The following SPG11 variants were observed in gnomAD, a reference collection of about 807,000 sequenced individuals.
The protein encoded by SPG11 is SPG11 vesicle trafficking associated, spatacsin, also known as spatacsin.
SPG11 carries 222 observed loss-of-function variants against 274.0 expected under a neutral mutation model. The observed-to-expected ratio is 0.81, with a 90% CI of 0.73 to 0.91. The LOEUF is 0.91. Among genes scored for constraint, SPG11 ranks in the 40% least tolerant of loss-of-function variants. The pLI, the probability that SPG11 is intolerant of heterozygous loss-of-function variation, is 0.00. For missense variants in SPG11, 3,114 were observed against 2,872.7 expected, an observed-to-expected ratio of 1.08 and a Z score of -1.92; for synonymous variants, 1,144 against 1,039.7, an observed-to-expected ratio of 1.10 and a Z score of -1.93.
Position 44,564,633 on chromosome 15 carries a change from C to T in SPG11, c.7065G>A (p.Val2355=). The T allele has an allele frequency of 6.2e-7, 1 of 1,613,930 alleles. No individual in the cohort carries two copies. Among genetic ancestry groups the T allele is most frequent in the Non-Finnish European group, 8.5e-7 (1 of 1,179,814 alleles). The change falls in exon 39 of 40, where the codon GTG becomes GTA. Residue 2355 remains valine, a synonymous_variant. Transcript: ENST00000261866. ...PDWAEILYQQ[V]ILKGDFNYLE... ...AGTAATTAAAGTCTCCTTTAAGAAT[C>T]ACTTGCTGGTATAAAATTTCAGCCC... is the stretch of plus-strand genomic sequence containing the variant.
At chr15:44,620,090 A>G in intron 15 of SPG11, 100 bp downstream of exon 15, 1 of 942,550 alleles carries the variant, frequency 1.1e-6, no homozygotes. Flanking sequence ...ACAACACTAC[A>G]CTGGATTTAT....
chr15:44,611,091 T>TAAAAA (rs35831490), intron 17 of SPG11, 106 bp from the exon 18 acceptor site: 6 of 70,098 alleles, frequency 8.6e-5, no homozygotes, highest in Admixed American at 1.5e-4. Context: ...CTATCCCCAG[T>TAAAAA]AAAAAAAAAA....
At chr15:44,641,586 TACACACACACACACACACAC>T (rs147901004) in intron 7 of SPG11, among the ~76,000 whole-genome samples, 65 of 112,486 alleles carry the variant, frequency 5.8e-4, no homozygotes, top group Middle Eastern at 0.011. Flanking sequence ...CCAAATATCT[TACACACACACACACACACAC>T]ACACACACAC....
At chr15:44,573,950 G>A in intron 31 of SPG11, 1 of 607,400 alleles carries the variant, frequency 1.6e-6, no homozygotes, top group East Asian at 2.8e-5. Flanking sequence ...TAAAAGAAAG[G>A]CTTGTATTCA....
At position 44,648,874 on chromosome 15, in the gene SPG11, C is replaced by A; in HGVS notation, c.1594G>T (p.Ala532Ser). 6.2e-7 allele frequency: 1 copy of A among 1,614,020 alleles called. No individual in the cohort carries two copies. The highest frequency in any genetic ancestry group is 8.5e-7 in the Non-Finnish European group (1 of 1,179,960). ...GWGRCSIPIHALEAGIENRQL... is the reference protein window; with the variant it reads ...GWGRCSIPIHSLEAGIENRQL... ...GCATTTAATTCTGTTACCTCTAGTG[C>A]ATGTATGGGAATTGAGCACCTTCCC... The change falls in exon 7 of 40, where the codon GCA becomes TCA. Residue 532 changes from alanine to serine, a missense_variant. Physicochemically the swap from Ala to Ser is moderately conservative, Grantham distance 99. Transcript: ENST00000261866.
At chr15:44,598,610 G>T in intron 22 of SPG11, 21 bp downstream of exon 22, 1 of 1,608,434 alleles carries the variant, frequency 6.2e-7, no homozygotes, top group Non-Finnish European at 8.5e-7. Context: ...AACAAAGCAG[G>T]CCAGATAAAA....
At chr15:44,649,997 A>G (rs978789673) in intron 6 of SPG11, among the ~76,000 whole-genome samples, 2 of 152,144 alleles carry the variant, frequency 1.3e-5, no homozygotes, top group African/African-American at 4.8e-5. Flanking sequence ...TTTCTGGTTT[A>G]CTATTATAAA....
intron 30 of SPG11, among the ~76,000 whole-genome samples, chr15:44,579,636 A>G (rs1007566271): frequency 6.6e-6 from 1 of 152,208 alleles, no homozygotes; most frequent in South Asian, 2.1e-4. Flanking sequence ...ATCATCTGAC[A>G]AAGAATTTAA....
At chr15:44,600,218 A>T (rs1595865658) in intron 21 of SPG11, 1 of 437,452 alleles carries the variant, frequency 2.3e-6, no homozygotes, top group African/African-American at 2.0e-5. Context: ...TGTTTCCAGT[A>T]TGTTTTTCAA....
chr15:44,597,456 A>G (rs2083075476), intron 23 of SPG11, among the ~76,000 whole-genome samples: 1 of 152,194 alleles, frequency 6.6e-6, no homozygotes, highest in Non-Finnish European at 1.5e-5. Flanking sequence ...TAGCTAGCTT[A>G]GCATACTGGC....
chr15:44,581,340 G>A (rs1479976641), intron 30 of SPG11, among the ~76,000 whole-genome samples: 1 of 151,972 alleles, frequency 6.6e-6, no homozygotes, highest in East Asian at 1.9e-4. Flanking sequence ...TCAAGTAGCT[G>A]GGACTACAGG....
intron 27 of SPG11, among the ~76,000 whole-genome samples, chr15:44,590,050 G>A (rs1016133639): frequency 1.3e-5 from 2 of 152,096 alleles, no homozygotes; most frequent in African/African-American, 2.4e-5. Context: ...CTGATGATCC[G>A]CCTGCCTTGG....
chr15:44,582,372 A>AC (rs2082673841), intron 30 of SPG11, among the ~76,000 whole-genome samples: 1 of 152,174 alleles, frequency 6.6e-6, no homozygotes, highest in South Asian at 2.1e-4. Context: ...ATATAGTGGA[A>AC]CCCCATCTCT....
rs764497276 is a variant in SPG11, at chr15:44,585,683, C to T, written c.5074G>A (p.Val1692Ile). Residue 1692 changes from valine to isoleucine, a missense_variant, in exon 29 of 40, where the codon GTA becomes ATA. Transcript: ENST00000261866. ...TDGQFALARR[V>I]AELAELPVDN... ...ACAGGTAACTCAGCTAATTCTGCTA[C>T]CCTCCTGGCCAAAGCGAATTGTCCA... is the stretch of plus-strand genomic sequence containing the variant. The T allele has an allele frequency of 8.1e-6, 13 of 1,613,450 alleles. No individual in the cohort carries two copies. The highest frequency in any genetic ancestry group is 1.7e-4 in the Middle Eastern group (1 of 6,058).
intron 30 of SPG11, among the ~76,000 whole-genome samples, chr15:44,578,014 CTTTCCTTTT>C (rs1305539044): frequency 7.5e-6 from 1 of 133,724 alleles, no homozygotes; most frequent in Admixed American, 7.5e-5. Flanking sequence ...GGGGAGCCTT[CTTTCCTTTT>C]TTTTTTTTTT....
In SPG11 at chr15:44,610,884, G is replaced by T. The variant is rs1595878796; in HGVS notation, c.3247C>A (p.Leu1083Met). The change falls in exon 18 of 40, where the codon CTG becomes ATG. Residue 1083 changes from leucine to methionine, a missense_variant. By Grantham distance (15) the Leu-to-Met change is conservative (BLOSUM62 2). Transcript: ENST00000261866. ...SSMLLEGHTL[L>M]ALATTMYSPG... Reference sequence around the variant, plus strand: ...GAATACATTGTAGTAGCAAGGGCCAGGAGGGTATGTCCTTCCAATAGCATA... The same window carrying T: ...GAATACATTGTAGTAGCAAGGGCCATGAGGGTATGTCCTTCCAATAGCATA... 6.2e-7 allele frequency: 1 copy of T among 1,614,030 alleles called. No homozygotes were observed. The highest frequency in any genetic ancestry group is 8.5e-7 in the Non-Finnish European group (1 of 1,179,982).
intron 31 of SPG11, 30 bp downstream of exon 31, chr15:44,574,872 G>A (rs759112327): frequency 6.2e-7 from 1 of 1,612,890 alleles, no homozygotes; most frequent in South Asian, 1.1e-5. Flanking sequence ...CTCCCTCTCA[G>A]AAAGAGGAGC....
At position 44,620,422 on chromosome 15, in the gene SPG11, A is replaced by C; in HGVS notation, c.2621-19T>G. Reference sequence around the variant, plus strand: ...TTGTATTCTACATGAAAAAAAACACATTTTAAAATATAATTAATTATGTCT... The same window carrying C: ...TTGTATTCTACATGAAAAAAAACACCTTTTAAAATATAATTAATTATGTCT... On this transcript the variant is annotated intron_variant, in intron 14 of 39. Transcript: ENST00000261866. The C allele has an allele frequency of 6.5e-7, 1 of 1,534,320 alleles. No homozygotes were observed. The highest frequency in any genetic ancestry group is 9.0e-7 in the Non-Finnish European group (1 of 1,114,806).
At chr15:44,575,493 C>CTTT (rs35699941) in intron 30 of SPG11, among the ~76,000 whole-genome samples, 6 of 138,474 alleles carry the variant, frequency 4.3e-5, no homozygotes, top group African/African-American at 5.3e-5. Flanking sequence ...CTCCAACATA[C>CTTT]TTTTTTTTTT....
Sources: gnomAD v4.1 joint callset for allele counts (sites outside exome capture counted in the v4.1 genomes callset) on GRCh38, gnomAD v4.1.1 for gene constraint, MANE v1.5 for transcripts, NCBI Gene and HGNC (gene_info 2026-07-23, HGNC 2026-07-21) for gene names.